ST6GAL1: variants seen among roughly 807,000 people sequenced by gnomAD.
ST6GAL1 encodes beta-galactoside alpha-2,6-sialyltransferase 1.
Under a neutral mutation model 38.0 loss-of-function variants are expected in ST6GAL1, and 20 were observed. The ratio of observed to expected loss-of-function variants is 0.53; its 90% CI spans 0.37 to 0.77. The LOEUF is 0.77. ST6GAL1 is among the 30% of genes least tolerant of loss of function. The probability of loss-of-function intolerance (pLI) is 0.00; values close to 1 mark genes in which losing one functional copy is unlikely to be tolerated. For synonymous variants in ST6GAL1, 196 were observed against 188.2 expected, an observed-to-expected ratio of 1.04 and a Z score of -0.34; for missense variants, 432 against 496.4, an observed-to-expected ratio of 0.87 and a Z score of 1.23.
At chr3:187,073,937 C>G (rs904758300) in intron 6 of ST6GAL1, 2 of 387,782 alleles carry the variant, frequency 5.2e-6, no homozygotes, top group African/African-American at 4.2e-5. Context: ...AAGCTCAACT[C>G]TCCCCCAAAG....
chr3:186,976,374 T>G (rs1333486135), intron 2 of ST6GAL1, among the ~76,000 whole-genome samples: 1 of 152,214 alleles, frequency 6.6e-6, no homozygotes, highest in Non-Finnish European at 1.5e-5. Context: ...ATTTACTGAG[T>G]GCCTACTTCT....
chr3:186,988,664 G>T (rs1340192929), intron 2 of ST6GAL1, among the ~76,000 whole-genome samples: 2 of 151,992 alleles, frequency 1.3e-5, no homozygotes, highest in Non-Finnish European at 2.9e-5. Context: ...TGTAATCCCA[G>T]CACTTTGGGA....
intron 1 of ST6GAL1, among the ~76,000 whole-genome samples, chr3:186,959,040 G>C (rs1203325748): frequency 6.6e-6 from 1 of 151,882 alleles, no homozygotes; most frequent in East Asian, 1.9e-4. Context: ...CCTGTATCCA[G>C]ATTGGCACCT....
chr3:186,984,792 CT>C, intron 2 of ST6GAL1, among the ~76,000 whole-genome samples: 2 of 33,316 alleles, frequency 6.0e-5, no homozygotes, highest in African/African-American at 2.2e-4. Context: ...TCCTCCCTTC[CT>C]TCCTTCCTTC....
At chr3:187,029,491 A>C in intron 2 of ST6GAL1, among the ~76,000 whole-genome samples, 1 of 152,208 alleles carries the variant, frequency 6.6e-6, no homozygotes, top group Non-Finnish European at 1.5e-5. Context: ...CTAATCTGGC[A>C]GCTTTTGTTT....
chr3:187,050,956 C>T (rs1718493742), intron 4 of ST6GAL1, among the ~76,000 whole-genome samples: 1 of 152,228 alleles, frequency 6.6e-6, no homozygotes, highest in South Asian at 2.1e-4. Flanking sequence ...AGCACACTGG[C>T]TTTGTTCACT....
intron 1 of ST6GAL1, among the ~76,000 whole-genome samples, chr3:186,944,002 C>T (rs1377461551): frequency 2.0e-5 from 3 of 152,242 alleles, no homozygotes; most frequent in Non-Finnish European, 4.4e-5. Flanking sequence ...TTCTTTCAAC[C>T]TGCCTCATGG....
chr3:187,056,207 T>C (rs950062529), intron 5 of ST6GAL1, among the ~76,000 whole-genome samples: 1 of 152,178 alleles, frequency 6.6e-6, no homozygotes, highest in Non-Finnish European at 1.5e-5. Context: ...TGTCTCTGCA[T>C]GTGAGATGGG....
intron 4 of ST6GAL1, among the ~76,000 whole-genome samples, chr3:187,047,884 A>G (rs753532920): frequency 6.6e-6 from 1 of 152,028 alleles, no homozygotes; most frequent in Non-Finnish European, 1.5e-5. Context: ...CAGATTGGGT[A>G]ATTAGAATAT....
chr3:187,032,662 C>T lies in ST6GAL1; in HGVS notation c.-182-6080C>T, dbSNP rs148181962. On this transcript the variant is annotated intron_variant, in intron 2 of 7. Transcript: ENST00000169298. ...GAATGCCTGCATAATTACAAACACTCATGCCACAAGGGAAATTCATGCTGT... is the reference window on the plus strand; with the variant it reads ...GAATGCCTGCATAATTACAAACACTTATGCCACAAGGGAAATTCATGCTGT... Among the ~76,000 whole-genome samples, 189 of 152,294 alleles carry T rather than the reference C, an allele frequency of 1.2e-3. 1 individual carries two copies. Among genetic ancestry groups the T allele is most frequent in the African/African-American group, 4.4e-3 (181 of 41,580 alleles).
At chr3:187,026,990 A>G (rs1424963120) in intron 2 of ST6GAL1, among the ~76,000 whole-genome samples, 3 of 151,154 alleles carry the variant, frequency 2.0e-5, no homozygotes, top group African/African-American at 7.3e-5. Flanking sequence ...CAGAGCTTGC[A>G]GTGAGCCGAG....
rs1194643860 is a variant in ST6GAL1, at chr3:187,069,138, T to C, written c.706-3711T>C. ...TAGTCTCATCCTTGAACTTCTTCTT[T>C]TTTTTTTTTTTTCTCAAGACGGAGT... On this transcript the variant is annotated intron_variant, in intron 5 of 7. Transcript: ENST00000169298. Among the ~76,000 whole-genome samples, 9 of 151,900 alleles carry C rather than the reference T, an allele frequency of 5.9e-5. No homozygotes were observed. In the South Asian group the frequency reaches 6.2e-4, roughly 11 times the overall value.
chr3:187,055,587 T>C (rs1718671620), intron 5 of ST6GAL1, among the ~76,000 whole-genome samples: 1 of 152,164 alleles, frequency 6.6e-6, no homozygotes. Context: ...CAGGAGCAGG[T>C]TGTTCAGTTT....
chr3:187,050,771 C>T (rs1489718009), intron 4 of ST6GAL1, among the ~76,000 whole-genome samples: 2 of 152,178 alleles, frequency 1.3e-5, no homozygotes, highest in Non-Finnish European at 1.5e-5. Context: ...TGTCCATTTG[C>T]TGAGCACTGC....
intron 2 of ST6GAL1, among the ~76,000 whole-genome samples, chr3:186,973,789 G>A (rs1185206236): frequency 6.6e-6 from 1 of 152,144 alleles, no homozygotes. Flanking sequence ...AAGAAAACGG[G>A]ACATGTGCCT....
At chr3:186,946,013 G>T (rs1368207580) in intron 1 of ST6GAL1, among the ~76,000 whole-genome samples, 49 of 103,766 alleles carry the variant, frequency 4.7e-4, no homozygotes, top group African/African-American at 1.6e-3. Flanking sequence ...AAAAAAGAAG[G>T]GTACCTTTTC....
At chr3:186,987,771 A>T (rs1020710645) in intron 2 of ST6GAL1, among the ~76,000 whole-genome samples, 1 of 152,246 alleles carries the variant, frequency 6.6e-6, no homozygotes, top group African/African-American at 2.4e-5. Flanking sequence ...TGCATAGCAC[A>T]TGGTAGTACT....
chr3:187,072,241 G>A (rs1457666648), intron 5 of ST6GAL1: 1 of 154,446 alleles, frequency 6.5e-6, no homozygotes, highest in Non-Finnish European at 1.4e-5. Context: ...AGGGTCTCCT[G>A]TTGGGAGGTG....
chr3:187,073,487 C>T (rs1177379359), intron 6 of ST6GAL1: 1 of 160,810 alleles, frequency 6.2e-6, no homozygotes, highest in Non-Finnish European at 1.4e-5. Context: ...TCTGCAACAG[C>T]AGCTCTTTCC....
Sources: allele counts gnomAD v4.1 joint callset (sites outside exome capture counted in the v4.1 genomes callset), GRCh38; gene constraint gnomAD v4.1.1; transcripts MANE v1.5; gene names NCBI Gene and HGNC (gene_info 2026-07-23, HGNC 2026-07-21).